Variants in TBX3 observed in about 807,000 individuals in gnomAD.
TBX3 encodes the protein T-box transcription factor 3.
In TBX3, 11 loss-of-function variants were observed where a neutral mutation model predicts 47.8. The observed-to-expected ratio is 0.23, with a 90% confidence interval of 0.14 to 0.38. The LOEUF (loss-of-function observed/expected upper bound fraction) is 0.38. Among genes scored for constraint, TBX3 ranks in the 10% least tolerant of loss-of-function variants. The probability of loss-of-function intolerance (pLI) is 1.00; values close to 1 mark genes in which losing one functional copy is unlikely to be tolerated. For missense variants in TBX3, 927 were observed against 1,022.8 expected (o/e 0.91, Z 1.28); for synonymous variants, 500 against 449.3 (o/e 1.11, Z -1.43).
Position 114,683,024 on chromosome 12 carries a change from G to A in TBX3, c.177C>T (p.Ala59=). The A allele has an allele frequency of 6.2e-7, 1 of 1,610,194 alleles. No homozygotes were observed. The highest frequency in any genetic ancestry group is 8.5e-7 in the Non-Finnish European group (1 of 1,177,496). ...ATTGATCCATGATCGGCTTGGCCAG[G>A]GCGCCCGGCAGCGAGAGCGCCGCCG... ...NGAAALSLPG[A]LAKPIMDQLV... The change falls in exon 1 of 7, where the codon GCC becomes GCT. Residue 59 remains alanine (A), a synonymous_variant. Transcript: ENST00000349155. The surrounding 1 kb of genome is among the most constrained non-coding windows in gnomAD (Gnocchi z 7.7).
chr12:114,676,955 G>A (rs901976167), intron 4 of TBX3, among the ~76,000 whole-genome samples: 3 of 151,866 alleles, frequency 2.0e-5, no homozygotes, highest in Admixed American at 6.6e-5. Context: ...TACTGTAATC[G>A]TTTTACTAAC....
intron 6 of TBX3, 76 bp from the exon 7 acceptor site, chr12:114,672,378 C>G (rs1362879920): frequency 1.5e-6 from 2 of 1,290,526 alleles, no homozygotes; most frequent in African/African-American, 3.0e-5. Flanking sequence ...TCTCTTCTCC[C>G]CCTCCAACAT....
Position 114,674,330 on chromosome 12 carries a change from C to T in TBX3, c.1545G>A (p.Ala515=). Residue 515 remains alanine, a synonymous_variant, in exon 6 of 7, where the codon GCG becomes GCA. Transcript: ENST00000349155. The stretch of plus-strand genomic sequence containing the variant: ...CCAGGAGGGGACCCATGCCAGCGGC[C>T]GCCATGCTGGAGAAGGCGCCCCCCA... The part of the protein sequence containing the change: ...FAMGGAFSSM[A]AAGMGPLLAT... 2 of 1,566,944 alleles carry T rather than the reference C, an allele frequency of 1.3e-6. No individual in the cohort carries two copies. Among genetic ancestry groups the T allele is most frequent in the Admixed American group, 3.8e-5 (2 of 53,318 alleles).
At position 114,682,967 on chromosome 12, in the gene TBX3, G is replaced by A. The variant is rs777304234; in HGVS notation, c.234C>T (p.Phe78=). 6 of 1,614,186 alleles carry A rather than the reference G, an allele frequency of 3.7e-6. No individual in the cohort carries two copies. In the Admixed American group the frequency reaches 8.3e-5, roughly 22 times the overall value. The part of the protein sequence containing the change: ...LVGAAETGIP[F]SSLGPQAHLR... ...GATGCGCCTGGGGCCCCAGGGAGGAGAACGGGATGCCGGTCTCGGCCGCCC... is the reference window on the plus strand; with the variant it reads ...GATGCGCCTGGGGCCCCAGGGAGGAAAACGGGATGCCGGTCTCGGCCGCCC... Residue 78 remains phenylalanine, a synonymous_variant, in exon 1 of 7, where the codon TTC becomes TTT. Transcript: ENST00000349155.
At position 114,671,786 on chromosome 12, in the gene TBX3, A is replaced by T; in HGVS notation, c.*55T>A. 3 of 1,544,232 alleles carry T rather than the reference A, an allele frequency of 1.9e-6. No homozygotes were observed. Among genetic ancestry groups the T allele is most frequent in the Non-Finnish European group, 2.6e-6 (3 of 1,142,998 alleles). On this transcript the variant is annotated 3_prime_UTR_variant, in exon 7 of 7. Transcript: ENST00000349155. ...GCCCGTGGTTTATTTTATATCCGAC[A>T]AAGTGCACGGCAGCCTGAACTGGAC...
At chr12:114,673,271 G>A (rs770323514) in intron 6 of TBX3, among the ~76,000 whole-genome samples, 8 of 152,192 alleles carry the variant, frequency 5.3e-5, no homozygotes, top group Non-Finnish European at 8.8e-5. Context: ...TGGTTTCTTG[G>A]CGCAGGGAAG....
At chr12:114,680,251 G>A (rs775213244) in intron 2 of TBX3, 46 of 480,916 alleles carry the variant, frequency 9.6e-5, no homozygotes, top group Non-Finnish European at 1.5e-4. Flanking sequence ...AGGAAAAGGC[G>A]CAAAAGGTCC....
At position 114,671,441 on chromosome 12, in the gene TBX3, GTTT is replaced by G; in HGVS notation, c.*397_*399del. ...CCCGATTTTTTTTTTGAAAGATTTT[GTTT>G]TTGTTTCCACTTGACACAGTGAAGG... On this transcript the variant is annotated 3_prime_UTR_variant, in exon 7 of 7. Coordinates refer to ENST00000349155, the MANE Select transcript of TBX3 (RefSeq NM_005996.4). 3.5e-6 allele frequency: 1 copy of G among 289,818 alleles called. No homozygotes were observed. Among genetic ancestry groups the G allele is most frequent in the Non-Finnish European group, 6.5e-6 (1 of 153,488 alleles). The allele number at this position is 289,818 out of a possible 1,614,324, so 18.0% of individuals were successfully genotyped here. A position where few individuals can be genotyped will look rare whatever the true frequency, so the allele number is the denominator to read the frequency against.
Position 114,674,750 on chromosome 12 carries a change from G to A in TBX3, c.1125C>T (p.Ile375=), listed in dbSNP as rs761196371. The change falls in exon 6 of 7, where the codon ATC becomes ATT. Residue 375 remains isoleucine, a synonymous_variant. Coordinates refer to ENST00000349155, the MANE Select transcript of TBX3 (RefSeq NM_005996.4). ...AGGGCTCCTCCGACGTGGTGGTGGA[G>A]ATCTTGGCCGCGTCGCAGGCCTCGG... The part of the protein sequence containing the change: ...HGPEACDAAK[I]STTTSEEPCR... 1 of 1,593,722 alleles carries A rather than the reference G, an allele frequency of 6.3e-7. No individual in the cohort carries two copies. The highest frequency in any genetic ancestry group is 8.5e-7 in the Non-Finnish European group (1 of 1,174,652).
chr12:114,672,405 C>A lies in TBX3; in HGVS notation c.1711-103G>T, dbSNP rs1321134277. ...CTCCAACATTGGGCAAGCCATGAAT[C>A]CCTGGTATGTTCTGTTGTTGTTGTT... On this transcript the variant is annotated intron_variant, in intron 6 of 6. Transcript: ENST00000349155. 3 of 994,826 alleles carry A rather than the reference C, an allele frequency of 3.0e-6. No homozygotes were observed. The East Asian group carries it at 9.0e-5, about 30-fold the overall frequency. The allele number at this position is 994,826 out of a possible 1,614,324, so 61.6% of individuals were successfully genotyped here.
chr12:114,684,071 G>GGAGAGAGAGAGAGAGAGAGGGGGA lies in TBX3; in HGVS notation c.-872_-871insTCCCCCTCTCTCTCTCTCTCTCTC, dbSNP rs1555208537. 1.8e-5 allele frequency: 4 copies of GGAGAGAGAGAGAGAGAGAGGGGGA among 221,194 alleles called. No homozygotes were observed. The highest frequency in any genetic ancestry group is 3.6e-5 in the Non-Finnish European group (4 of 112,208). 13.7% of individuals were successfully genotyped at this position (221,194 alleles called of 1,614,324 possible). ...TGGAACAGAGGGAAAGAGAGGGAGG[G>GGAGAGAGAGAGAGAGAGAGGGGGA]GAGAGAGAGAGAGAGAGAGAGAGAC... On this transcript the variant is annotated 5_prime_UTR_variant, in exon 1 of 7. Transcript: ENST00000349155.
Position 114,674,805 on chromosome 12 carries a change from G to A in TBX3, c.1070C>T (p.Ala357Val), listed in dbSNP as rs2121385685. 1.3e-6 allele frequency: 2 copies of A among 1,579,438 alleles called. No individual in the cohort carries two copies. Among genetic ancestry groups the A allele is most frequent in the South Asian group, 1.1e-5 (1 of 87,204 alleles). Reference sequence around the variant, plus strand: ...ATGCTCCTCTTTGCTCTCGGCCTCGGCGTCGCTCTCACCCTCGCTGGGACA... The same window carrying A: ...ATGCTCCTCTTTGCTCTCGGCCTCGACGTCGCTCTCACCCTCGCTGGGACA... ...DLCPSEGESD[A>V]EAESKEEHGP... Residue 357 changes from alanine to valine, a missense_variant, in exon 6 of 7, where the codon GCC becomes GTC. This residue lies in a region of TBX3 where 623 missense variants were observed against 569.0 expected (regional missense o/e 1.09). Coordinates refer to ENST00000349155, the MANE Select transcript of TBX3 (RefSeq NM_005996.4).
chr12:114,674,713 C>G lies in TBX3; in HGVS notation c.1162G>C (p.Gly388Arg), dbSNP rs1223450118. The G allele has an allele frequency of 6.2e-7, 1 of 1,603,650 alleles. No homozygotes were observed. Among genetic ancestry groups the G allele is most frequent in the Non-Finnish European group, 8.5e-7 (1 of 1,178,194 alleles). ...TTSEEPCRDK[G>R]SPAVKAHLFA... is the part of the protein sequence containing the mutation. ...AGGTGAGCCTTGACCGCGGGGCTGC[C>G]CTTGTCACGGCAGGGCTCCTCCGAC... The change falls in exon 6 of 7, where the codon GGC becomes CGC. Residue 388 changes from glycine to arginine, a missense_variant. Gly to Arg is a moderately radical substitution (Grantham distance 125). Transcript: ENST00000349155.
Position 114,680,980 on chromosome 12 carries a change from T to C in TBX3, c.556A>G (p.Ile186Val), listed in dbSNP as rs753199262. Residue 186 changes from isoleucine (I) to valine (V), a missense_variant, in exon 2 of 7, where the codon ATT (isoleucine) becomes GTT (valine). By Grantham distance (29) the Ile-to-Val change is conservative (BLOSUM62 3). This residue lies in a region of TBX3 where 216 missense variants were observed against 281.2 expected (regional missense o/e 0.77). Coordinates refer to ENST00000349155, the MANE Select transcript of TBX3 (RefSeq NM_005996.4). ...ADPEMPKRMY[I>V]HPDSPATGEQ... The stretch of plus-strand genomic sequence containing the variant: ...CCAGTAGCGGGGCTGTCCGGGTGAA[T>C]GTACATCCTCTTTGGCATTTCGGGG... 5.0e-6 allele frequency: 8 copies of C among 1,614,006 alleles called. No homozygotes were observed. The African/African-American group carries it at 6.7e-5, about 13-fold the overall frequency.
In TBX3 at chr12:114,683,426, A is replaced by C; in HGVS notation, c.-226T>G. 1.7e-6 allele frequency: 1 copy of C among 601,588 alleles called. No homozygotes were observed. Among genetic ancestry groups the C allele is most frequent in the Non-Finnish European group, 2.8e-6 (1 of 360,104 alleles). 37.3% of individuals were successfully genotyped at this position (601,588 alleles called of 1,614,324 possible). The stretch of plus-strand genomic sequence containing the variant: ...ATGGGAGGCCGCTTTTAAAGAGGGC[A>C]AGGCGAAAAATCAGCAAACATAGTC... On this transcript the variant is annotated 5_prime_UTR_variant, in exon 1 of 7. Coordinates refer to ENST00000349155, the MANE Select transcript of TBX3 (RefSeq NM_005996.4). The surrounding 1 kb of genome is among the most constrained non-coding windows in gnomAD (Gnocchi z 7.7).
intron 2 of TBX3, chr12:114,680,243 G>C (rs528205775): frequency 2.0e-6 from 1 of 498,026 alleles, no homozygotes; most frequent in Non-Finnish European, 3.6e-6. Context: ...GGAGGGGTAG[G>C]AAAAGGCGCA....
chr12:114,678,109 C>T (rs1057071831), intron 3 of TBX3, among the ~76,000 whole-genome samples: 7 of 148,804 alleles, frequency 4.7e-5, no homozygotes, highest in East Asian at 1.9e-4. Context: ...TACCCTTGTG[C>T]GGGAGTGAGT....
At position 114,683,517 on chromosome 12, in the gene TBX3, C is replaced by A. The variant is rs909341593; in HGVS notation, c.-317G>T. The A allele has an allele frequency of 7.5e-5, 28 of 372,860 alleles. No homozygotes were observed. Among genetic ancestry groups the A allele is most frequent in the Non-Finnish European group, 1.4e-4 (28 of 205,870 alleles). 23.1% of individuals were successfully genotyped at this position (372,860 alleles called of 1,614,324 possible). ...CGCTCCTGAACGTCGGTTTCAGAAG[C>A]GAGAGGAGCGAGCAGGGTCTCGACT... On this transcript the variant is annotated 5_prime_UTR_variant, in exon 1 of 7. Coordinates refer to ENST00000349155, the MANE Select transcript of TBX3 (RefSeq NM_005996.4). This position sits in a 1 kb window ranked among gnomAD's most constrained non-coding sequence, Gnocchi z 7.7.
In TBX3 at chr12:114,672,069, C is replaced by T; in HGVS notation, c.1944G>A (p.Gly648=). 1 of 1,567,826 alleles carries T rather than the reference C, an allele frequency of 6.4e-7. No homozygotes were observed. The highest frequency in any genetic ancestry group is 1.4e-5 in the African/African-American group (1 of 73,882). The part of the protein sequence containing the change: ...TALPSMAAAA[G]PLDGKVAALA... ...GGGCGGCGACTTTGCCGTCCAGGGGCCCCGCGGCCGCCGCCATGGAGGGCA... is the reference window on the plus strand; with the variant it reads ...GGGCGGCGACTTTGCCGTCCAGGGGTCCCGCGGCCGCCGCCATGGAGGGCA... The change falls in exon 7 of 7, where the codon GGG becomes GGA. Residue 648 remains glycine (G), a synonymous_variant. Transcript: ENST00000349155.
Sources: allele counts gnomAD v4.1 joint callset (sites outside exome capture counted in the v4.1 genomes callset), GRCh38; gene constraint gnomAD v4.1.1; regional missense constraint gnomAD v4.1.1; non-coding constraint Gnocchi (gnomAD v3.1); transcripts MANE v1.5; gene names NCBI Gene and HGNC (gene_info 2026-07-23, HGNC 2026-07-21).